The following SUPT20HL2 variants were observed in gnomAD, a reference collection of about 807,000 sequenced individuals.
SUPT20HL2 encodes transcription factor SPT20 homolog-like 2.
For synonymous variants in SUPT20HL2, 125 were observed against 51.6 expected, an observed-to-expected ratio of 2.42 and a Z score of -6.10; for missense variants, 288 against 127.4, an observed-to-expected ratio of 2.26 and a Z score of -6.07.
Position 24,309,591 on chromosome X carries a change from T to G in SUPT20HL2, c.*1271A>C, listed in dbSNP as rs1158941270. Among the ~76,000 whole-genome samples the G allele has an allele frequency of 2.1e-5, 2 of 94,298 alleles. No individual in the cohort carries two copies. The highest frequency in any genetic ancestry group is 7.9e-5 in the African/African-American group (2 of 25,371). 81.9% of individuals were successfully genotyped at this position (94,298 alleles called of 115,157 possible). ...TACCTAATGCTAGATGACACGTTAG[T>G]GGGTGCAGCGCACCAGCATGGCACA... On this transcript the variant is annotated 3_prime_UTR_variant, in exon 1 of 1. Transcript: ENST00000486479.
chrX:24,312,484 G>T lies in SUPT20HL2; in HGVS notation c.832C>A (p.Pro278Thr). The change falls in exon 1 of 1, where the codon CCT (proline) becomes ACT (threonine). Residue 278 changes from proline (P) to threonine (T), a missense_variant. Transcript: ENST00000486479. ...GQKEERKVGQ[P>T]CELNITKAGS... ...GCTTTAGTAATGTTCAGCTCACAAGGCTGACCTACTTTTCTTTCTTCTTTT... is the reference window on the plus strand; with the variant it reads ...GCTTTAGTAATGTTCAGCTCACAAGTCTGACCTACTTTTCTTTCTTCTTTT... The T allele has an allele frequency of 2.6e-6, 1 of 387,228 alleles. No homozygotes were observed. The highest frequency in any genetic ancestry group is 5.2e-6 in the Non-Finnish European group (1 of 192,676). The allele number at this position is 387,228 out of a possible 1,213,427, so 31.9% of individuals were successfully genotyped here. A position where few individuals can be genotyped will look rare whatever the true frequency, so the allele number is the denominator to read the frequency against.
Position 24,313,040 on chromosome X carries a change from G to T in SUPT20HL2, c.276C>A (p.Leu92=), listed in dbSNP as rs1229462883. 1 of 356,466 alleles carries T rather than the reference G, an allele frequency of 2.8e-6. No individual in the cohort carries two copies. The highest frequency in any genetic ancestry group is 5.6e-6 in the Non-Finnish European group (1 of 178,485). The allele number at this position is 356,466 out of a possible 1,213,427, so 29.4% of individuals were successfully genotyped here. Residue 92 remains leucine, a synonymous_variant, in exon 1 of 1, where the codon CTC becomes CTA. Transcript: ENST00000486479. Reference sequence around the variant, plus strand: ...CTGCAAAGGACCCATCTTCTCTCTGGAGCATCACAGAATACCCCTGATTGC... The same window carrying T: ...CTGCAAAGGACCCATCTTCTCTCTGTAGCATCACAGAATACCCCTGATTGC... The part of the protein sequence containing the change: ...YPGNQGYSVM[L]QREDGSFAET...
In SUPT20HL2 at chrX:24,313,920, G is replaced by A. The variant is rs1361803575; in HGVS notation, c.-605C>T. On this transcript the variant is annotated 5_prime_UTR_variant, in exon 1 of 1. Coordinates refer to ENST00000486479, the MANE Select transcript of SUPT20HL2 (RefSeq NM_001136233.3). Reference sequence around the variant, plus strand: ...AACGGAAGTGAGCGGGAGGGCCGGGGTCAGCTTCTAGGCGCGTCTGGGCAC... The same window carrying A: ...AACGGAAGTGAGCGGGAGGGCCGGGATCAGCTTCTAGGCGCGTCTGGGCAC... 1.1e-5 allele frequency: 4 copies of A among 368,930 alleles called. No individual in the cohort carries two copies. Among genetic ancestry groups the A allele is most frequent in the African/African-American group, 7.9e-5 (3 of 38,060 alleles). The allele number at this position is 368,930 out of a possible 1,213,427, so 30.4% of individuals were successfully genotyped here. A position where few individuals can be genotyped will look rare whatever the true frequency, so the allele number is the denominator to read the frequency against.
Position 24,309,945 on chromosome X carries a change from G to A in SUPT20HL2, c.*917C>T, listed in dbSNP as rs1939107793. 9.2e-6 allele frequency among the ~76,000 whole-genome samples: 1 copy of A among 108,838 alleles called. No individual in the cohort carries two copies. The highest frequency in any genetic ancestry group is 3.3e-5 in the African/African-American group (1 of 29,931). 94.5% of individuals were successfully genotyped at this position (108,838 alleles called of 115,157 possible). A position where few individuals can be genotyped will look rare whatever the true frequency, so the allele number is the denominator to read the frequency against. ...CAATCGCAGTGTGACAAGCATCACTGTACTGTACTTTTTTTTCATTTTTCA... is the reference window on the plus strand; with the variant it reads ...CAATCGCAGTGTGACAAGCATCACTATACTGTACTTTTTTTTCATTTTTCA... On this transcript the variant is annotated 3_prime_UTR_variant, in exon 1 of 1. Transcript: ENST00000486479.
In SUPT20HL2 at chrX:24,312,184, G is replaced by C. The variant is rs1939138448; in HGVS notation, c.1132C>G (p.Gln378Glu). ...RPRKKARQKS[Q>E]KSPWQPFPDD... ...GGGAAGGGCTGCCAGGGAGACTTCT[G>C]GCTCTTCTGCCTGGCTTTTTTACGT... Residue 378 changes from glutamine to glutamate, a missense_variant, in exon 1 of 1, where the codon CAG becomes GAG. Gln to Glu is a conservative substitution (Grantham distance 29). Transcript: ENST00000486479. The C allele has an allele frequency of 5.2e-6, 2 of 384,893 alleles. No individual in the cohort carries two copies. The highest frequency in any genetic ancestry group is 1.0e-5 in the Non-Finnish European group (2 of 191,959). 31.7% of individuals were successfully genotyped at this position (384,893 alleles called of 1,213,427 possible). A position where few individuals can be genotyped will look rare whatever the true frequency, so the allele number is the denominator to read the frequency against.
At position 24,308,949 on chromosome X, in the gene SUPT20HL2, G is replaced by A. The variant is rs908247197; in HGVS notation, c.*1913C>T. Among the ~76,000 whole-genome samples, 6 of 112,580 alleles carry A rather than the reference G, an allele frequency of 5.3e-5. No individual in the cohort carries two copies. The highest frequency in any genetic ancestry group is 1.9e-4 in the African/African-American group (6 of 31,111). On this transcript the variant is annotated 3_prime_UTR_variant, in exon 1 of 1. Coordinates refer to ENST00000486479, the MANE Select transcript of SUPT20HL2 (RefSeq NM_001136233.3). ...AAAAACATTATGCCGAGTGAAAGAGGCCAGACACAAAAGATCACATACTGT... is the reference window on the plus strand; with the variant it reads ...AAAAACATTATGCCGAGTGAAAGAGACCAGACACAAAAGATCACATACTGT...
rs375378704 is a variant in SUPT20HL2, at chrX:24,311,244, C to T, written c.2072G>A (p.Gly691Asp). Residue 691 changes from glycine to aspartate, a missense_variant, in exon 1 of 1, where the codon GGT becomes GAT. Gly to Asp is a moderately conservative substitution (Grantham distance 94). Coordinates refer to ENST00000486479, the MANE Select transcript of SUPT20HL2 (RefSeq NM_001136233.3). ...AAHPPQPGPQ[G>D]STLGLSTQGQ... ...TTGCGTGCTCAAACCTAGTGTGGAA[C>T]CCTGTGGCCCTGGCTGAGGAGGGTG... 11 of 385,755 alleles carry T rather than the reference C, an allele frequency of 2.9e-5. No homozygotes were observed. Among genetic ancestry groups the T allele is most frequent in the African/African-American group, 1.5e-4 (6 of 39,438 alleles). 31.8% of individuals were successfully genotyped at this position (385,755 alleles called of 1,213,427 possible). A position where few individuals can be genotyped will look rare whatever the true frequency, so the allele number is the denominator to read the frequency against.
chrX:24,309,747 A>AAAAAAAAAAAAAAAAAAAAAAAAAAAAAG lies in SUPT20HL2; in HGVS notation c.*1114_*1115insCTTTTTTTTTTTTTTTTTTTTTTTTTTTT, dbSNP rs1939103179. ...AAATAATAAAAATAAAAAAAAAAAG[A>AAAAAAAAAAAAAAAAAAAAAAAAAAAAAG]AAAAAAAAAAAAAAAAAAAAAACAT... On this transcript the variant is annotated 3_prime_UTR_variant, in exon 1 of 1. Coordinates refer to ENST00000486479, the MANE Select transcript of SUPT20HL2 (RefSeq NM_001136233.3). Among the ~76,000 whole-genome samples the AAAAAAAAAAAAAAAAAAAAAAAAAAAAAG allele has an allele frequency of 1.9e-3, 5 of 2,692 alleles. No individual in the cohort carries two copies. Among genetic ancestry groups the AAAAAAAAAAAAAAAAAAAAAAAAAAAAAG allele is most frequent in the Non-Finnish European group, 3.7e-3 (5 of 1,339 alleles). The allele number at this position is 2,692 out of a possible 115,157, so 2.3% of individuals were successfully genotyped here. A position where few individuals can be genotyped will look rare whatever the true frequency, so the allele number is the denominator to read the frequency against.
rs1939103628 is a variant in SUPT20HL2, at chrX:24,309,748, A to AAAAAAAAAAAAAAAAAAAAAAAAAAAAAG, written c.*1113_*1114insCTTTTTTTTTTTTTTTTTTTTTTTTTTTT. Among the ~76,000 whole-genome samples, 1 of 13,427 alleles carries AAAAAAAAAAAAAAAAAAAAAAAAAAAAAG rather than the reference A, an allele frequency of 7.4e-5. No individual in the cohort carries two copies. Among genetic ancestry groups the AAAAAAAAAAAAAAAAAAAAAAAAAAAAAG allele is most frequent in the Admixed American group, 7.8e-4 (1 of 1,275 alleles). The allele number at this position is 13,427 out of a possible 115,157, so 11.7% of individuals were successfully genotyped here. ...AATAATAAAAATAAAAAAAAAAAGA[A>AAAAAAAAAAAAAAAAAAAAAAAAAAAAAG]AAAAAAAAAAAAAAAAAAAAACATC... On this transcript the variant is annotated 3_prime_UTR_variant, in exon 1 of 1. Transcript: ENST00000486479.
rs1723166853 is a variant in SUPT20HL2 at position 24,309,747 on chromosome X, A to G, written c.*1115T>C. Reference sequence around the variant, plus strand: ...AAATAATAAAAATAAAAAAAAAAAGAAAAAAAAAAAAAAAAAAAAAAACAT... The same window carrying G: ...AAATAATAAAAATAAAAAAAAAAAGGAAAAAAAAAAAAAAAAAAAAAACAT... On this transcript the variant is annotated 3_prime_UTR_variant, in exon 1 of 1. Transcript: ENST00000486479. 1.9e-3 allele frequency among the ~76,000 whole-genome samples: 5 copies of G among 2,701 alleles called. No homozygotes were observed. Among genetic ancestry groups the G allele is most frequent in the East Asian group, 0.018 (2 of 112 alleles). 2.3% of individuals were successfully genotyped at this position (2,701 alleles called of 115,157 possible).
At position 24,311,584 on chromosome X, in the gene SUPT20HL2, C is replaced by T. The variant is rs757743506; in HGVS notation, c.1732G>A (p.Val578Met). 7.8e-6 allele frequency: 3 copies of T among 385,853 alleles called. No individual in the cohort carries two copies. Among genetic ancestry groups the T allele is most frequent in the East Asian group, 7.5e-5 (1 of 13,363 alleles). 31.8% of individuals were successfully genotyped at this position (385,853 alleles called of 1,213,427 possible). Residue 578 changes from valine to methionine, a missense_variant, in exon 1 of 1, where the codon GTG becomes ATG. By Grantham distance (21) the Val-to-Met change is conservative. Coordinates refer to ENST00000486479, the MANE Select transcript of SUPT20HL2 (RefSeq NM_001136233.3). Reference sequence around the variant, plus strand: ...TGGGCTCCCCGGACTGGGCCCTCCACGTTGGTGGCCTTTAGGCCAGTGGAG... The same window carrying T: ...TGGGCTCCCCGGACTGGGCCCTCCATGTTGGTGGCCTTTAGGCCAGTGGAG... ...TGSTGLKATN[V>M]EGPVRGAQVL...
Position 24,309,510 on chromosome X carries a change from C to A in SUPT20HL2, c.*1352G>T, listed in dbSNP as rs1939092717. On this transcript the variant is annotated 3_prime_UTR_variant, in exon 1 of 1. Coordinates refer to ENST00000486479, the MANE Select transcript of SUPT20HL2 (RefSeq NM_001136233.3). ...TTTATAAAGAGAGCACACAAAACAT[C>A]CAAAAAGGGACTGTGGTGGGGTCGG... Among the ~76,000 whole-genome samples the A allele has an allele frequency of 1.3e-5, 1 of 75,385 alleles. No individual in the cohort carries two copies. Among genetic ancestry groups the A allele is most frequent in the African/African-American group, 5.3e-5 (1 of 18,973 alleles). The allele number at this position is 75,385 out of a possible 115,157, so 65.5% of individuals were successfully genotyped here.
At position 24,309,731 on chromosome X, in the gene SUPT20HL2, AAATAAAAAAAAAAAG is replaced by A. The variant is rs1939099226; in HGVS notation, c.*1116_*1130del. ...AAAAAAAAAAAGAAAAAAATAATAA[AAATAAAAAAAAAAAG>A]AAAAAAAAAAAAAAAAAAAAAAACA... On this transcript the variant is annotated 3_prime_UTR_variant, in exon 1 of 1. Transcript: ENST00000486479. 1.7e-5 allele frequency among the ~76,000 whole-genome samples: 1 copy of A among 58,391 alleles called. No individual in the cohort carries two copies. Among genetic ancestry groups the A allele is most frequent in the African/African-American group, 1.3e-4 (1 of 7,985 alleles). 50.7% of individuals were successfully genotyped at this position (58,391 alleles called of 115,157 possible). A position where few individuals can be genotyped will look rare whatever the true frequency, so the allele number is the denominator to read the frequency against.
At position 24,313,833 on chromosome X, in the gene SUPT20HL2, C is replaced by T; in HGVS notation, c.-518G>A. 1 of 366,232 alleles carries T rather than the reference C, an allele frequency of 2.7e-6. No individual in the cohort carries two copies. The highest frequency in any genetic ancestry group is 5.3e-6 in the Non-Finnish European group (1 of 189,947). The allele number at this position is 366,232 out of a possible 1,213,427, so 30.2% of individuals were successfully genotyped here. A position where few individuals can be genotyped will look rare whatever the true frequency, so the allele number is the denominator to read the frequency against. On this transcript the variant is annotated 5_prime_UTR_variant, in exon 1 of 1. Transcript: ENST00000486479. ...CGCTACCCAATCTGTTTGAGGGTTT[C>T]TGAAAACATCGGTACCTGAGGGGTC...
At position 24,312,614 on chromosome X, in the gene SUPT20HL2, C is replaced by T. The variant is rs1939144378; in HGVS notation, c.702G>A (p.Pro234=). ...AATACCTCTGGAGGCACTGTTCCAT[C>T]GGGTCGGTATTCATCTTTTGCTTGT... ...LYNKQKMNTD[P]MEQCLQRYSW... is the part of the protein sequence containing the mutation. The change falls in exon 1 of 1, where the codon CCG becomes CCA. Residue 234 remains proline (P), a synonymous_variant. Coordinates refer to ENST00000486479, the MANE Select transcript of SUPT20HL2 (RefSeq NM_001136233.3). The T allele has an allele frequency of 2.6e-6, 1 of 385,286 alleles. No individual in the cohort carries two copies. 31.8% of individuals were successfully genotyped at this position (385,286 alleles called of 1,213,427 possible).
rs1417687922 is a variant in SUPT20HL2, at chrX:24,310,843, G to C, written c.*19C>G. The C allele has an allele frequency of 2.8e-6, 1 of 362,981 alleles. No individual in the cohort carries two copies. Among genetic ancestry groups the C allele is most frequent in the Non-Finnish European group, 5.6e-6 (1 of 179,494 alleles). 29.9% of individuals were successfully genotyped at this position (362,981 alleles called of 1,213,427 possible). On this transcript the variant is annotated 3_prime_UTR_variant, in exon 1 of 1. Transcript: ENST00000486479. ...TCAGTGCTCCCATGCTTTTAAAAGA[G>C]AACAAACTACCACAAGCCTCAGGGA...
At position 24,309,747 on chromosome X, in the gene SUPT20HL2, A is replaced by AAAAAAAAAAAAAAAAAAAAAAAAAAAAT. The variant is rs1939103179; in HGVS notation, c.*1114_*1115insATTTTTTTTTTTTTTTTTTTTTTTTTTT. 3.7e-4 allele frequency among the ~76,000 whole-genome samples: 1 copy of AAAAAAAAAAAAAAAAAAAAAAAAAAAAT among 2,702 alleles called. No homozygotes were observed. The highest frequency in any genetic ancestry group is 7.4e-4 in the Non-Finnish European group (1 of 1,347). The allele number at this position is 2,702 out of a possible 115,157, so 2.3% of individuals were successfully genotyped here. A position where few individuals can be genotyped will look rare whatever the true frequency, so the allele number is the denominator to read the frequency against. ...AAATAATAAAAATAAAAAAAAAAAGAAAAAAAAAAAAAAAAAAAAAAACAT... is the reference window on the plus strand; with the variant it reads ...AAATAATAAAAATAAAAAAAAAAAGAAAAAAAAAAAAAAAAAAAAAAAAAAAATAAAAAAAAAAAAAAAAAAAAAACAT... On this transcript the variant is annotated 3_prime_UTR_variant, in exon 1 of 1. Transcript: ENST00000486479.
At position 24,309,078 on chromosome X, in the gene SUPT20HL2, T is replaced by C. The variant is rs1939088765; in HGVS notation, c.*1784A>G. Among the ~76,000 whole-genome samples, 2 of 111,410 alleles carry C rather than the reference T, an allele frequency of 1.8e-5. No homozygotes were observed. The highest frequency in any genetic ancestry group is 6.4e-5 in the African/African-American group (2 of 31,069). On this transcript the variant is annotated 3_prime_UTR_variant, in exon 1 of 1. Transcript: ENST00000486479. ...GTGAAGATGTCACGCTAGTGCTTAA[T>C]GGGTACAGAGATTGCTTGGTGGGTG...
rs1389327107 is a variant in SUPT20HL2 at position 24,313,417 on chromosome X, G to C, written c.-102C>G. On this transcript the variant is annotated 5_prime_UTR_variant, in exon 1 of 1. Coordinates refer to ENST00000486479, the MANE Select transcript of SUPT20HL2 (RefSeq NM_001136233.3). ...ATATTAATCTACAGGCCCGCAAGAC[G>C]CCGCAAGTCCACACTGAGTTCAACA... 3.0e-6 allele frequency: 1 copy of C among 335,862 alleles called. No individual in the cohort carries two copies. The highest frequency in any genetic ancestry group is 2.7e-5 in the African/African-American group (1 of 37,656). The allele number at this position is 335,862 out of a possible 1,213,427, so 27.7% of individuals were successfully genotyped here. A position where few individuals can be genotyped will look rare whatever the true frequency, so the allele number is the denominator to read the frequency against.
Sources: gnomAD v4.1 joint callset for allele counts (sites outside exome capture counted in the v4.1 genomes callset) on GRCh38, gnomAD v4.1.1 for gene constraint, MANE v1.5 for transcripts, NCBI Gene and HGNC (gene_info 2026-07-23, HGNC 2026-07-21) for gene names.